The following ARSB variants were observed in gnomAD, a reference collection of about 807,000 sequenced individuals.
ARSB encodes the protein arylsulfatase B.
ARSB carries 41 observed loss-of-function variants against 50.9 expected under a neutral mutation model. That is an observed-to-expected ratio of 0.81 (90% CI 0.63 to 1.04). The LOEUF is 1.04. ARSB is among the 50% of genes least tolerant of loss of function. ARSB has a pLI of 0.00. For missense variants in ARSB, 672 were observed against 693.3 expected, an observed-to-expected ratio of 0.97 and a Z score of 0.35; for synonymous variants, 269 against 284.8, an observed-to-expected ratio of 0.94 and a Z score of 0.56.
At chr5:78,979,459 C>T (rs1253917055) in intron 1 of ARSB, among the ~76,000 whole-genome samples, 1 of 152,176 alleles carries the variant, frequency 6.6e-6, no homozygotes, top group Non-Finnish European at 1.5e-5. Flanking sequence ...ATAGAGTTAC[C>T]ACATGATACT....
intron 4 of ARSB, among the ~76,000 whole-genome samples, chr5:78,927,502 A>G (rs1750108422): frequency 6.6e-6 from 1 of 152,178 alleles, no homozygotes; most frequent in Admixed American, 6.5e-5. Context: ...GAGTAGATAA[A>G]GTATAAAAAC....
intron 4 of ARSB, among the ~76,000 whole-genome samples, chr5:78,954,652 T>C (rs1157249333): frequency 6.6e-6 from 1 of 152,008 alleles, no homozygotes; most frequent in African/African-American, 2.4e-5. Flanking sequence ...CTACATGCAC[T>C]CGCCACCATG....
At chr5:78,830,244 A>G (rs1298616266) in intron 6 of ARSB, among the ~76,000 whole-genome samples, 2 of 152,190 alleles carry the variant, frequency 1.3e-5, no homozygotes, top group Non-Finnish European at 2.9e-5. Context: ...TGGGGAAAAA[A>G]AAACAAACGC....
chr5:78,827,181 C>G (rs1275793479), intron 6 of ARSB, among the ~76,000 whole-genome samples: 1 of 152,148 alleles, frequency 6.6e-6, no homozygotes, highest in African/African-American at 2.4e-5. Context: ...GACCACTAAA[C>G]TAGTTATAAA....
chr5:78,984,653 C>G (rs1440464560), intron 1 of ARSB, among the ~76,000 whole-genome samples: 1 of 152,120 alleles, frequency 6.6e-6, no homozygotes, highest in East Asian at 1.9e-4. Flanking sequence ...TTCCCATAAA[C>G]CCCTTCGCCC....
intron 4 of ARSB, among the ~76,000 whole-genome samples, chr5:78,953,573 C>T (rs1044682065): frequency 1.3e-5 from 2 of 152,170 alleles, no homozygotes; most frequent in Non-Finnish European, 2.9e-5. Context: ...AAAAACAAAA[C>T]CACAAAAGTA....
At chr5:78,845,447 C>A (rs768293225) in intron 5 of ARSB, among the ~76,000 whole-genome samples, 22 of 151,894 alleles carry the variant, frequency 1.4e-4, no homozygotes, top group African/African-American at 4.8e-4. Flanking sequence ...TTTTGAGGAG[C>A]CTTCATATTG....
intron 6 of ARSB, among the ~76,000 whole-genome samples, chr5:78,786,576 C>G (rs1749085718): frequency 6.6e-6 from 1 of 152,154 alleles, no homozygotes; most frequent in Non-Finnish European, 1.5e-5. Context: ...TTTCGAGTAA[C>G]TGCAGAGCAT....
At chr5:78,972,516 T>TGTACACACACACAC (rs1554088555) in intron 1 of ARSB, among the ~76,000 whole-genome samples, 23 of 145,598 alleles carry the variant, frequency 1.6e-4, no homozygotes, top group Non-Finnish European at 3.1e-4. Context: ...CACGCATACG[T>TGTACACACACACAC]ACACACACAC....
Position 78,964,526 on chromosome 5 carries a change from G to A in ARSB, c.580C>T (p.Leu194Phe). Residue 194 changes from leucine to phenylalanine, a missense_variant, in exon 3 of 8, where the codon CTT (leucine) becomes TTT (phenylalanine). Physicochemically the swap from Leu to Phe is conservative, Grantham distance 22. Coordinates refer to ENST00000264914, the MANE Select transcript of ARSB (RefSeq NM_000046.5). Reference protein sequence around the residue: ...IDALNVTRCALDFRDGEEVAT... With the variant: ...IDALNVTRCAFDFRDGEEVAT... ...ACTTCTTCGCCATCTCGAAAATCAA[G>A]AGCACATCGTGTGACATTCAGAGCG... 5 of 1,613,992 alleles carry A rather than the reference G, an allele frequency of 3.1e-6. No individual in the cohort carries two copies. The highest frequency in any genetic ancestry group is 4.2e-6 in the Non-Finnish European group (5 of 1,179,924).
At chr5:78,907,912 C>T (rs1749137457) in intron 4 of ARSB, among the ~76,000 whole-genome samples, 2 of 152,084 alleles carry the variant, frequency 1.3e-5, no homozygotes. Flanking sequence ...CAGTTTTGAG[C>T]CCATCAGTTA....
rs1449217247 is a variant in ARSB at position 78,947,599 on chromosome 5, T to A, written c.898+7696A>T. Reference sequence around the variant, plus strand: ...GCAGTGAGATATCCTCTCACCCCAGTTAAAATGGCTTTTATCCAAAAGACA... The same window carrying A: ...GCAGTGAGATATCCTCTCACCCCAGATAAAATGGCTTTTATCCAAAAGACA... On this transcript the variant is annotated intron_variant, in intron 4 of 7. Coordinates refer to ENST00000264914, the MANE Select transcript of ARSB (RefSeq NM_000046.5). 2.0e-5 allele frequency among the ~76,000 whole-genome samples: 3 copies of A among 152,200 alleles called. No individual in the cohort carries two copies. In the South Asian group the frequency reaches 6.2e-4, roughly 32 times the overall value.
intron 4 of ARSB, among the ~76,000 whole-genome samples, chr5:78,930,371 T>A (rs1023660297): frequency 1.3e-5 from 2 of 152,170 alleles, no homozygotes; most frequent in Non-Finnish European, 2.9e-5. Context: ...CTAAATTTGT[T>A]ACAACAATCC....
chr5:78,868,135 A>G (rs2112134434), intron 5 of ARSB, among the ~76,000 whole-genome samples: 1 of 143,060 alleles, frequency 7.0e-6, no homozygotes, highest in East Asian at 2.0e-4. Context: ...AGAAATGAGC[A>G]AAGCCTCCAA....
Position 78,956,365 on chromosome 5 carries a change from T to A in ARSB, c.691-863A>T, listed in dbSNP as rs147240869. On this transcript the variant is annotated intron_variant, in intron 3 of 7. Transcript: ENST00000264914. ...GGTTGCCTGGGGCTGTAGGAAATTG[T>A]GGGGGAGAGGAATGGTGAGTGATTG... 3.9e-5 allele frequency among the ~76,000 whole-genome samples: 6 copies of A among 152,142 alleles called. No individual in the cohort carries two copies. In the East Asian group the frequency reaches 1.2e-3, roughly 29 times the overall value.
At chr5:78,951,900 G>C (rs1751508554) in intron 4 of ARSB, among the ~76,000 whole-genome samples, 1 of 152,086 alleles carries the variant, frequency 6.6e-6, no homozygotes. Context: ...GCACAACCAA[G>C]ACAACAAAAC....
chr5:78,984,923 G>C lies in ARSB; in HGVS notation c.312+14C>G, dbSNP rs1293997321. On this transcript the variant is annotated intron_variant, in intron 1 of 7. Coordinates refer to ENST00000264914, the MANE Select transcript of ARSB (RefSeq NM_000046.5). ...CGGGGCGGGGGCGGCGCGGGCGGCG[G>C]GGGCGCCGCGTACCTGGTAGCGGCC... 3.1e-5 allele frequency: 41 copies of C among 1,331,034 alleles called. No homozygotes were observed. The highest frequency in any genetic ancestry group is 3.8e-5 in the Non-Finnish European group (40 of 1,042,928). 82.5% of individuals were successfully genotyped at this position (1,331,034 alleles called of 1,614,324 possible). A position where few individuals can be genotyped will look rare whatever the true frequency, so the allele number is the denominator to read the frequency against.
chr5:78,852,789 C>A (rs377298941), intron 5 of ARSB, among the ~76,000 whole-genome samples: 1 of 151,458 alleles, frequency 6.6e-6, no homozygotes, highest in Admixed American at 6.6e-5. Flanking sequence ...CTTCCCTTCT[C>A]GCTTCATTTC....
chr5:78,933,519 C>T (rs917104237), intron 4 of ARSB, among the ~76,000 whole-genome samples: 3 of 152,100 alleles, frequency 2.0e-5, no homozygotes, highest in African/African-American at 2.4e-5. Context: ...AGGTCAATGG[C>T]GATAGAGTCG....
Sources: allele counts gnomAD v4.1 joint callset (sites outside exome capture counted in the v4.1 genomes callset), GRCh38; gene constraint gnomAD v4.1.1; transcripts MANE v1.5; gene names NCBI Gene and HGNC (gene_info 2026-07-23, HGNC 2026-07-21).